UNC80: variants seen among roughly 807,000 people sequenced by gnomAD.
UNC80 encodes the protein protein unc-80 homolog.
In UNC80, 164 loss-of-function variants were observed where a neutral mutation model predicts 384.6. That is an observed-to-expected ratio of 0.43 (90% CI 0.38 to 0.49). The LOEUF (loss-of-function observed/expected upper bound fraction) is 0.49, where lower values mean the gene tolerates loss of function less well. Among genes scored for constraint, UNC80 ranks in the 20% least tolerant of loss-of-function variants. The pLI is 0.00. For missense variants in UNC80, 3,330 were observed against 4,143.0 expected (o/e 0.80, Z 5.39); for synonymous variants, 1,486 against 1,527.8 (o/e 0.97, Z 0.64).
rs1398729575 is a variant in UNC80, at chr2:209,995,639, G to A, written c.*44G>A. 3.2e-6 allele frequency: 5 copies of A among 1,539,398 alleles called. No individual in the cohort carries two copies. The highest frequency in any genetic ancestry group is 4.4e-6 in the Non-Finnish European group (5 of 1,139,388). ...CTGCAGGTATAGAGAAGACATGAAA[G>A]TGATCTCTCTACTACAAGTTCAATA... On this transcript the variant is annotated 3_prime_UTR_variant, in exon 65 of 65. Coordinates refer to ENST00000673920, the MANE Select transcript of UNC80 (RefSeq NM_001371986.1).
At chr2:209,889,226 T>G (rs189404197) in intron 26 of UNC80, among the ~76,000 whole-genome samples, 1 of 152,210 alleles carries the variant, frequency 6.6e-6, no homozygotes, top group Non-Finnish European at 1.5e-5. Flanking sequence ...TTGCTTGTAA[T>G]TTTTTCAATA....
chr2:209,947,012 A>C (rs1208678403), intron 47 of UNC80, among the ~76,000 whole-genome samples: 1 of 152,158 alleles, frequency 6.6e-6, no homozygotes. Flanking sequence ...ATGGGGAGAA[A>C]AACAGTATGC....
At chr2:209,845,030 T>G (rs1353794363) in intron 21 of UNC80, 1 of 151,454 alleles carries the variant, frequency 6.6e-6, no homozygotes, top group Non-Finnish European at 1.5e-5. Context: ...TAGGAGGTGA[T>G]TAGGTTTAGA....
At chr2:209,922,999 T>C (rs2090155406) in intron 35 of UNC80, among the ~76,000 whole-genome samples, 1 of 152,330 alleles carries the variant, frequency 6.6e-6, no homozygotes, top group Non-Finnish European at 1.5e-5. Context: ...AATTTGTCTT[T>C]TAACTGTTAA....
intron 47 of UNC80, 122 bp downstream of exon 47, chr2:209,946,065 A>G (rs2091900010): frequency 1.3e-6 from 1 of 777,508 alleles, no homozygotes; most frequent in Non-Finnish European, 2.0e-6. Flanking sequence ...GTAAGCTTTT[A>G]GAAACTAAAT....
At chr2:209,805,423 A>AT (rs1483093697) in intron 7 of UNC80, among the ~76,000 whole-genome samples, 5 of 152,178 alleles carry the variant, frequency 3.3e-5, no homozygotes, top group Admixed American at 3.3e-4. Context: ...AAGGACGTTT[A>AT]TTTTTTTGCA....
chr2:209,862,210 G>A (rs111284867), intron 22 of UNC80, among the ~76,000 whole-genome samples: 34 of 152,286 alleles, frequency 2.2e-4, no homozygotes, highest in African/African-American at 7.7e-4. Flanking sequence ...CTTTAGCTCT[G>A]TCCCAGATAT....
At chr2:209,820,288 T>G (rs750442502) in intron 12 of UNC80, 23 bp from the exon 13 acceptor site, 1 of 1,503,138 alleles carries the variant, frequency 6.7e-7, no homozygotes, top group Middle Eastern at 1.8e-4. Context: ...TTAATCATGC[T>G]GTGTTTATCT....
intron 26 of UNC80, among the ~76,000 whole-genome samples, chr2:209,893,241 A>G (rs573388902): frequency 6.6e-6 from 1 of 152,316 alleles, no homozygotes; most frequent in Non-Finnish European, 1.5e-5. Flanking sequence ...GTAAGCTTAT[A>G]AAATTGGCCC....
At chr2:209,896,208 T>C (rs1574927498) in intron 27 of UNC80, 105 bp from the exon 28 acceptor site, 3 of 987,064 alleles carry the variant, frequency 3.0e-6, no homozygotes, top group Non-Finnish European at 1.6e-6. Flanking sequence ...CACTGGGCCA[T>C]GGTAGTCTGC....
chr2:209,888,702 G>A (rs1337441754), intron 26 of UNC80, among the ~76,000 whole-genome samples: 2 of 151,840 alleles, frequency 1.3e-5, no homozygotes, highest in African/African-American at 2.4e-5. Context: ...TGCAACTTCC[G>A]CCTCCCAGGT....
At chr2:209,958,642 T>C (rs1038686942) in intron 49 of UNC80, among the ~76,000 whole-genome samples, 1 of 152,208 alleles carries the variant, frequency 6.6e-6, no homozygotes, top group Admixed American at 6.5e-5. Context: ...TAGGGACTTC[T>C]CTAGGCTCAC....
At chr2:209,912,762 G>A (rs1245723527) in intron 30 of UNC80, 95 bp downstream of exon 30, 1 of 827,780 alleles carries the variant, frequency 1.2e-6, no homozygotes, top group Non-Finnish European at 1.9e-6. Flanking sequence ...TACAACATCA[G>A]TTGGTACAGT....
At chr2:209,918,475 C>A in intron 32 of UNC80, 57 bp from the exon 33 acceptor site, 3 of 1,511,554 alleles carry the variant, frequency 2.0e-6, no homozygotes, top group Non-Finnish European at 2.7e-6. Flanking sequence ...CATTATACTT[C>A]AGCCTCATTC....
At chr2:209,962,960 G>T (rs2092640250) in intron 51 of UNC80, among the ~76,000 whole-genome samples, 1 of 152,214 alleles carries the variant, frequency 6.6e-6, no homozygotes, top group African/African-American at 2.4e-5. Context: ...TTTAAAAAGA[G>T]AAAGAGAAAT....
At chr2:209,968,500 T>A (rs2092797052) in intron 52 of UNC80, 1 of 151,990 alleles carries the variant, frequency 6.6e-6, no homozygotes, top group African/African-American at 2.4e-5. Flanking sequence ...CTTTCAGGAG[T>A]CATTAAAAAA....
chr2:209,950,705 T>C (rs2124989911), intron 47 of UNC80, among the ~76,000 whole-genome samples: 1 of 152,096 alleles, frequency 6.6e-6, no homozygotes, highest in South Asian at 2.1e-4. Context: ...ATTACAGGCA[T>C]GTGCCACCAC....
intron 27 of UNC80, among the ~76,000 whole-genome samples, chr2:209,896,111 T>C (rs2086772860): frequency 6.6e-6 from 1 of 152,088 alleles, no homozygotes; most frequent in East Asian, 1.9e-4. Context: ...ATCATAAATG[T>C]CTTTGAAATT....
intron 51 of UNC80, among the ~76,000 whole-genome samples, chr2:209,961,729 A>G (rs979355640): frequency 6.6e-6 from 1 of 152,226 alleles, no homozygotes; most frequent in Admixed American, 6.5e-5. Context: ...GTGAAACAAT[A>G]CTTTTTTAAA....
Sources: gnomAD v4.1 joint callset for allele counts (sites outside exome capture counted in the v4.1 genomes callset) on GRCh38, gnomAD v4.1.1 for gene constraint, MANE v1.5 for transcripts, NCBI Gene and HGNC (gene_info 2026-07-23, HGNC 2026-07-21) for gene names.